The following THRB variants were observed in gnomAD, a reference collection of about 807,000 sequenced individuals.
THRB encodes nuclear receptor subfamily 1 group A member 2.
A neutral mutation model predicts 47.8 loss-of-function variants in THRB; 12 were observed. That is an observed-to-expected ratio of 0.25 (90% CI 0.16 to 0.41). The LOEUF (loss-of-function observed/expected upper bound fraction) is 0.41, where lower values mean the gene tolerates loss of function less well. Among genes scored for constraint, THRB ranks in the 10% least tolerant of loss-of-function variants. The pLI is 1.00. For synonymous variants in THRB, 218 were observed against 212.2 expected (o/e 1.03, Z -0.24); for missense variants, 348 against 589.2 (o/e 0.59, Z 4.24).
At chr3:24,244,429 G>C (rs1334722444) in intron 3 of THRB, among the ~76,000 whole-genome samples, 6 of 152,090 alleles carry the variant, frequency 3.9e-5, no homozygotes, top group Non-Finnish European at 7.4e-5. Context: ...TCTCTCATTT[G>C]CTGCCAGAGA....
chr3:24,495,701 T>G (rs1198440604), upstream of THRB: 1 of 152,346 alleles, frequency 6.6e-6, no homozygotes, highest in East Asian at 1.9e-4. Flanking sequence ...CGGCCTTCTT[T>G]GCCCGGCCCG....
chr3:24,314,025 C>A (rs1207019859), intron 2 of THRB, among the ~76,000 whole-genome samples: 1 of 152,112 alleles, frequency 6.6e-6, no homozygotes, highest in Non-Finnish European at 1.5e-5. Flanking sequence ...CGATTCATGA[C>A]CTTTGAGAAG....
intron 5 of THRB, among the ~76,000 whole-genome samples, chr3:24,160,597 G>T (rs1161431301): frequency 6.6e-6 from 1 of 152,154 alleles, no homozygotes; most frequent in Non-Finnish European, 1.5e-5. Context: ...CAAGGACAGC[G>T]CACGGGAAGG....
At chr3:24,180,458 A>G (rs1294666906) in intron 5 of THRB, among the ~76,000 whole-genome samples, 1 of 152,248 alleles carries the variant, frequency 6.6e-6, no homozygotes, top group Non-Finnish European at 1.5e-5. Context: ...GTAAAGTTGA[A>G]TAAAGTCAAG....
chr3:24,241,784 C>A (rs1027806321), intron 3 of THRB, among the ~76,000 whole-genome samples: 2 of 152,136 alleles, frequency 1.3e-5, no homozygotes, highest in Non-Finnish European at 2.9e-5. Context: ...AACAAGATGG[C>A]AATGCAGATG....
At chr3:24,206,917 G>T (rs1257066724) in intron 4 of THRB, among the ~76,000 whole-genome samples, 1 of 152,046 alleles carries the variant, frequency 6.6e-6, no homozygotes, top group Non-Finnish European at 1.5e-5. Context: ...ATAAATTCCT[G>T]GACACATACA....
intron 3 of THRB, among the ~76,000 whole-genome samples, chr3:24,279,874 G>A (rs2054361960): frequency 6.6e-6 from 1 of 152,004 alleles, no homozygotes; most frequent in South Asian, 2.1e-4. Context: ...GTGATCCATG[G>A]ACCATGGTCC....
In THRB at chr3:24,294,223, A is replaced by G. The variant is rs548316109; in HGVS notation, c.-43+3003T>C. ...AAGCCCAAGCTAGCTAAACGGAGAG[A>G]CCACGTGAAGAAAGTTAGATGCCTG... On this transcript the variant is annotated intron_variant, in intron 3 of 10. Transcript: ENST00000646209. Among the ~76,000 whole-genome samples the G allele has an allele frequency of 2.7e-4, 41 of 152,306 alleles. No homozygotes were observed. In the South Asian group the frequency reaches 8.1e-3, roughly 30 times the overall value.
At chr3:24,137,504 C>T (rs1166793907) in intron 8 of THRB, among the ~76,000 whole-genome samples, 1 of 152,174 alleles carries the variant, frequency 6.6e-6, no homozygotes, top group Non-Finnish European at 1.5e-5. Flanking sequence ...AATGTGTGGA[C>T]TTTGACTTGA....
intron 1 of THRB, among the ~76,000 whole-genome samples, chr3:24,352,593 G>C (rs2063422636): frequency 6.6e-6 from 1 of 152,134 alleles, no homozygotes; most frequent in Non-Finnish European, 1.5e-5. Flanking sequence ...TTTCAAACCG[G>C]GGTGGTTGGT....
intron 5 of THRB, among the ~76,000 whole-genome samples, chr3:24,172,456 T>C (rs7646582): frequency 0.063 from 9,614 of 152,152 alleles, 853 homozygotes; most frequent in African/African-American, 0.2. Context: ...TTTTAAAACA[T>C]ATTGTTAACT....
chr3:24,341,936 T>G (rs1393501593), intron 1 of THRB, among the ~76,000 whole-genome samples: 1 of 152,102 alleles, frequency 6.6e-6, no homozygotes, highest in Non-Finnish European at 1.5e-5. Context: ...CCAAGGAAGA[T>G]GAGCAGAGTC....
intron 4 of THRB, among the ~76,000 whole-genome samples, chr3:24,190,793 C>A (rs1377167606): frequency 6.6e-6 from 1 of 151,696 alleles, no homozygotes; most frequent in Non-Finnish European, 1.5e-5. Flanking sequence ...CTGAGGGACA[C>A]CCTGTTACTT....
At chr3:24,291,033 T>G (rs962289643) in intron 3 of THRB, among the ~76,000 whole-genome samples, 1 of 152,134 alleles carries the variant, frequency 6.6e-6, no homozygotes, top group African/African-American at 2.4e-5. Flanking sequence ...AAAACACTAA[T>G]TGATCCCCTC....
At chr3:24,142,909 A>G (rs79333242) in intron 8 of THRB, among the ~76,000 whole-genome samples, 2,190 of 152,348 alleles carry the variant, frequency 0.014, 57 homozygotes, top group African/African-American at 0.05. Flanking sequence ...GGTAATTTTT[A>G]TAAGAATATT....
chr3:24,280,153 T>C (rs1053668245), intron 3 of THRB, among the ~76,000 whole-genome samples: 1 of 152,178 alleles, frequency 6.6e-6, no homozygotes, highest in Non-Finnish European at 1.5e-5. Flanking sequence ...GCTCCCAGCC[T>C]GAGCGACGCA....
intron 3 of THRB, among the ~76,000 whole-genome samples, chr3:24,245,853 C>A (rs2050060123): frequency 6.6e-6 from 1 of 152,186 alleles, no homozygotes; most frequent in South Asian, 2.1e-4. Context: ...GCAGAGGTTG[C>A]AGTGAGCTGA....
At chr3:24,336,613 A>G (rs887617601) in intron 2 of THRB, among the ~76,000 whole-genome samples, 2 of 152,168 alleles carry the variant, frequency 1.3e-5, no homozygotes, top group African/African-American at 4.8e-5. Flanking sequence ...CACATACCTC[A>G]GGACTGAAAG....
intron 1 of THRB, among the ~76,000 whole-genome samples, chr3:24,338,608 C>A (rs139676380): frequency 4.6e-5 from 7 of 152,216 alleles, no homozygotes; most frequent in South Asian, 2.1e-4. Flanking sequence ...ATCATTAAAG[C>A]GATTGTTGGT....
Sources: gnomAD v4.1 joint callset for allele counts (sites outside exome capture counted in the v4.1 genomes callset) on GRCh38, gnomAD v4.1.1 for gene constraint, MANE v1.5 for transcripts, NCBI Gene and HGNC (gene_info 2026-07-23, HGNC 2026-07-21) for gene names.